LASP1: variants seen among roughly 807,000 people sequenced by gnomAD.
LASP1 encodes the protein LIM and SH3 domain protein 1.
Under a neutral mutation model 38.6 loss-of-function variants are expected in LASP1, and 10 were observed. The ratio of observed to expected loss-of-function variants is 0.26; its 90% CI spans 0.16 to 0.44. The LOEUF (loss-of-function observed/expected upper bound fraction) is 0.44, where lower values mean the gene tolerates loss of function less well. Among genes scored for constraint, LASP1 ranks in the 20% least tolerant of loss-of-function variants. The pLI is 1.00. For synonymous variants in LASP1, 132 were observed against 140.8 expected, an observed-to-expected ratio of 0.94 and a Z score of 0.44; for missense variants, 243 against 375.7, an observed-to-expected ratio of 0.65 and a Z score of 2.92.
At chr17:38,917,652 C>T (rs567316120) in intron 6 of LASP1, among the ~76,000 whole-genome samples, 3 of 152,056 alleles carry the variant, frequency 2.0e-5, no homozygotes, top group Admixed American at 6.5e-5. Context: ...TATAATCATA[C>T]AAATAATAGC....
At chr17:38,894,166 G>A (rs1429248479) in intron 3 of LASP1, among the ~76,000 whole-genome samples, 2 of 152,010 alleles carry the variant, frequency 1.3e-5, no homozygotes, top group African/African-American at 4.8e-5. Context: ...CTTCTCACTT[G>A]CTGCTCCTAT....
intron 2 of LASP1, among the ~76,000 whole-genome samples, chr17:38,880,157 G>T (rs1275734846): frequency 1.3e-5 from 2 of 152,156 alleles, no homozygotes; most frequent in Non-Finnish European, 2.9e-5. Flanking sequence ...TCCGTTGCTG[G>T]ACCACCTCAG....
chr17:38,901,475 T>G (rs1423912599), intron 4 of LASP1, among the ~76,000 whole-genome samples: 2 of 152,130 alleles, frequency 1.3e-5, no homozygotes, highest in African/African-American at 4.8e-5. Context: ...GACTCTTGGT[T>G]TTAATGAAAG....
intron 1 of LASP1, among the ~76,000 whole-genome samples, chr17:38,872,890 C>T (rs2143719677): frequency 6.6e-6 from 1 of 152,256 alleles, no homozygotes; most frequent in Middle Eastern, 3.4e-3. Flanking sequence ...CCTGCAGTAC[C>T]CAGCATGCTT....
intron 1 of LASP1, among the ~76,000 whole-genome samples, chr17:38,874,736 C>T (rs1913711770): frequency 6.6e-6 from 1 of 152,176 alleles, no homozygotes; most frequent in South Asian, 2.1e-4. Context: ...TCCTCTGCCC[C>T]ACCCTTGGGT....
At chr17:38,882,098 GGGA>G (rs1567696268) in intron 2 of LASP1, among the ~76,000 whole-genome samples, 1 of 152,208 alleles carries the variant, frequency 6.6e-6, no homozygotes, top group African/African-American at 2.4e-5. Flanking sequence ...GCTGGGGCGG[GGGA>G]GGAGGACTTG....
intron 3 of LASP1, chr17:38,897,087 T>C (rs1014358051): frequency 1.0e-5 from 10 of 985,466 alleles, no homozygotes; most frequent in Non-Finnish European, 1.2e-5. Flanking sequence ...TTCTGGACTC[T>C]TGGGGTGGGT....
In LASP1 at chr17:38,876,858, A is replaced by T. The variant is rs1354271193; in HGVS notation, c.70-1228A>T. The stretch of plus-strand genomic sequence containing the variant: ...GCTGGGACTACAGGCACCCGCCACC[A>T]CGCCTGGCTAATTTTTTTGTCTTTT... On this transcript the variant is annotated intron_variant, in intron 1 of 6. Coordinates refer to ENST00000318008, the MANE Select transcript of LASP1 (RefSeq NM_006148.4). 2.7e-5 allele frequency among the ~76,000 whole-genome samples: 4 copies of T among 150,832 alleles called. No individual in the cohort carries two copies. The South Asian group carries it at 8.4e-4, about 32-fold the overall frequency.
At position 38,918,139 on chromosome 17, in the gene LASP1, C is replaced by CA. The variant is rs71352324; in HGVS notation, c.613-449dup. Among the ~76,000 whole-genome samples the CA allele has an allele frequency of 0.02, 1,932 of 94,960 alleles. 43 individuals are homozygous for CA. Among genetic ancestry groups the CA allele is most frequent in the East Asian group, 0.12 (451 of 3,704 alleles). 62.3% of individuals were successfully genotyped at this position (94,960 alleles called of 152,430 possible). On this transcript the variant is annotated intron_variant, in intron 6 of 6. Coordinates refer to ENST00000318008, the MANE Select transcript of LASP1 (RefSeq NM_006148.4). This position sits in a 1 kb window ranked among gnomAD's most constrained non-coding sequence, Gnocchi z 4.4. Reference sequence around the variant, plus strand: ...TGGGTGACAAAGCAAGACTCCATCTCAAAAAAAAAAAAAAAAAGAGGGAGT... The same window carrying CA: ...TGGGTGACAAAGCAAGACTCCATCTCAAAAAAAAAAAAAAAAAAGAGGGAGT...
At position 38,918,884 on chromosome 17, in the gene LASP1, G is replaced by A; in HGVS notation, c.*106G>A. 1.6e-6 allele frequency: 2 copies of A among 1,265,112 alleles called. No homozygotes were observed. The allele number at this position is 1,265,112 out of a possible 1,614,324, so 78.4% of individuals were successfully genotyped here. A position where few individuals can be genotyped will look rare whatever the true frequency, so the allele number is the denominator to read the frequency against. On this transcript the variant is annotated 3_prime_UTR_variant, in exon 7 of 7. Coordinates refer to ENST00000318008, the MANE Select transcript of LASP1 (RefSeq NM_006148.4). The surrounding 1 kb of genome is among the most constrained non-coding windows in gnomAD (Gnocchi z 4.4). ...TCTCTGTTTTTTAAAACCTGCGACA[G>A]CTTGTGATTCCTACCCCTCTTCCAG...
chr17:38,893,340 AG>A (rs938155840), intron 3 of LASP1, among the ~76,000 whole-genome samples: 2 of 152,162 alleles, frequency 1.3e-5, no homozygotes, highest in Non-Finnish European at 2.9e-5. Flanking sequence ...TCTGCTTGGC[AG>A]CTCTGGGTGA....
intron 6 of LASP1, chr17:38,916,432 T>C (rs971535691): frequency 6.6e-6 from 1 of 151,600 alleles, no homozygotes. Flanking sequence ...TGGTGGTGTA[T>C]GCCTGTAACC....
chr17:38,880,097 C>T (rs2143739724), intron 2 of LASP1, among the ~76,000 whole-genome samples: 2 of 152,336 alleles, frequency 1.3e-5, no homozygotes, highest in Middle Eastern at 3.4e-3. Flanking sequence ...CACTTCCTCC[C>T]TCCATTGGGT....
intron 2 of LASP1, among the ~76,000 whole-genome samples, chr17:38,881,047 G>T (rs1488998000): frequency 6.6e-6 from 1 of 152,150 alleles, no homozygotes; most frequent in Non-Finnish European, 1.5e-5. Context: ...GGGCTGCAGT[G>T]AGCCAAGATT....
chr17:38,904,260 G>A (rs1204801712), intron 4 of LASP1: 1 of 152,078 alleles, frequency 6.6e-6, no homozygotes, highest in Non-Finnish European at 1.5e-5. Context: ...GATTAAAACT[G>A]GGGAATATGA....
chr17:38,875,916 CCTT>C (rs1913756747), intron 1 of LASP1, among the ~76,000 whole-genome samples: 1 of 152,162 alleles, frequency 6.6e-6, no homozygotes, highest in Admixed American at 6.5e-5. Flanking sequence ...CTCCTGGCCT[CCTT>C]CTTTTGGAAT....
rs1294522193 is a variant in LASP1, at chr17:38,870,216, C to T, written c.27C>T (p.Gly9=). 2 of 1,613,872 alleles carry T rather than the reference C, an allele frequency of 1.2e-6. No individual in the cohort carries two copies. The highest frequency in any genetic ancestry group is 8.5e-7 in the Non-Finnish European group (1 of 1,179,872). The change falls in exon 1 of 7, where the codon GGC becomes GGT. Residue 9 remains glycine (G), a synonymous_variant. Coordinates refer to ENST00000318008, the MANE Select transcript of LASP1 (RefSeq NM_006148.4). MNPNCARC[G]KIVYPTEKVN... is the part of the protein sequence containing the mutation. ...TGAACCCCAACTGCGCCCGGTGCGG[C>T]AAGATCGTGTATCCCACGGAGAAGG...
intron 4 of LASP1, among the ~76,000 whole-genome samples, chr17:38,902,614 G>A (rs1914676530): frequency 6.6e-6 from 1 of 152,092 alleles, no homozygotes; most frequent in Non-Finnish European, 1.5e-5. Flanking sequence ...ATCCAAAATA[G>A]CATTCCTGTT....
In LASP1 at chr17:38,919,390, C is replaced by G. The variant is rs1015619667; in HGVS notation, c.*612C>G. ...CTGTGGGGCGAATTCATCCCCTCCC[C>G]GCGCGTTCCTTCGCACACTGTGATT... On this transcript the variant is annotated 3_prime_UTR_variant, in exon 7 of 7. Coordinates refer to ENST00000318008, the MANE Select transcript of LASP1 (RefSeq NM_006148.4). The G allele has an allele frequency of 3.7e-5, 9 of 240,822 alleles. 1 individual carries two copies. In the East Asian group the frequency reaches 5.3e-4, roughly 14 times the overall value. 14.9% of individuals were successfully genotyped at this position (240,822 alleles called of 1,614,324 possible). A position where few individuals can be genotyped will look rare whatever the true frequency, so the allele number is the denominator to read the frequency against.
Sources: allele counts gnomAD v4.1 joint callset (sites outside exome capture counted in the v4.1 genomes callset), GRCh38; gene constraint gnomAD v4.1.1; non-coding constraint Gnocchi (gnomAD v3.1); transcripts MANE v1.5; gene names NCBI Gene and HGNC (gene_info 2026-07-23, HGNC 2026-07-21).